PPM1B: variants seen among roughly 807,000 people sequenced by gnomAD.
PPM1B encodes protein phosphatase 1B.
PPM1B carries 22 observed loss-of-function variants against 43.0 expected under a neutral mutation model. The ratio of observed to expected loss-of-function variants is 0.51; its 90% CI spans 0.37 to 0.73. The LOEUF is 0.73. Ranked by LOEUF, PPM1B falls within the 30% of genes least tolerant of loss-of-function variation. The pLI is 0.00. For missense variants in PPM1B, 632 were observed against 584.2 expected, an observed-to-expected ratio of 1.08 and a Z score of -0.84; for synonymous variants, 217 against 197.9, an observed-to-expected ratio of 1.10 and a Z score of -0.81.
chr2:44,177,369 A>G (rs1572681925), intron 1 of PPM1B, among the ~76,000 whole-genome samples: 1 of 148,688 alleles, frequency 6.7e-6, no homozygotes, highest in Non-Finnish European at 1.5e-5. Context: ...GTTTGTTTCT[A>G]TTCATCTGTT....
chr2:44,205,833 T>C (rs1669165699), intron 2 of PPM1B, among the ~76,000 whole-genome samples: 1 of 152,120 alleles, frequency 6.6e-6, no homozygotes, highest in Admixed American at 6.5e-5. Context: ...TTGAGGGAAA[T>C]TATCATTTTC....
chr2:44,231,624 A>G (rs1354025041), downstream of PPM1B, among the ~76,000 whole-genome samples: 1 of 152,174 alleles, frequency 6.6e-6, no homozygotes, highest in South Asian at 2.1e-4. Context: ...AAAGTTTAAT[A>G]TTAAAATATA....
intron 2 of PPM1B, among the ~76,000 whole-genome samples, chr2:44,205,575 C>G (rs1431070247): frequency 1.3e-5 from 2 of 152,006 alleles, no homozygotes; most frequent in African/African-American, 4.8e-5. Context: ...AAATGGTTCT[C>G]TGTGATTATT....
At chr2:44,219,709 C>T (rs1219666755) in intron 5 of PPM1B, among the ~76,000 whole-genome samples, 2 of 151,856 alleles carry the variant, frequency 1.3e-5, no homozygotes, top group Non-Finnish European at 2.9e-5. Context: ...TTTGGGAGGC[C>T]GAGGCGGGCG....
At chr2:44,236,637 T>C (rs1349708354), downstream of PPM1B, among the ~76,000 whole-genome samples, 1 of 152,168 alleles carries the variant, frequency 6.6e-6, no homozygotes, top group Non-Finnish European at 1.5e-5. Context: ...TGATATATTT[T>C]CTGAAACCTT....
At chr2:44,204,856 C>G (rs191132590) in intron 2 of PPM1B, among the ~76,000 whole-genome samples, 1,729 of 80,394 alleles carry the variant, frequency 0.022, 47 homozygotes, top group African/African-American at 0.088. Flanking sequence ...GAGACTCCGT[C>G]TCAAAAAAAA....
chr2:44,213,607 C>T (rs1558419186), intron 3 of PPM1B: 2 of 152,124 alleles, frequency 1.3e-5, no homozygotes, highest in African/African-American at 2.4e-5. Flanking sequence ...TCTGTCTCTA[C>T]AACTATCTAG....
intron 5 of PPM1B, chr2:44,218,961 G>C (rs1401677556): frequency 7.0e-6 from 3 of 430,588 alleles, no homozygotes; most frequent in Non-Finnish European, 1.4e-5. Context: ...CAGTACCCCT[G>C]TATGCCCACT....
Position 44,243,110 on chromosome 2 carries a change from C to T in PPM1B, n.1547-1118C>T, listed in dbSNP as rs75857858. On this transcript the variant is annotated intron_variant and non_coding_transcript_variant, in intron 5 of 5. Transcript: ENST00000378540. The stretch of plus-strand genomic sequence containing the variant: ...TTCTGAGCTTTTTCTTACACAATAA[C>T]TTTTTGTTTCGATGCCAGCTTTTCC... 3.8e-3 allele frequency among the ~76,000 whole-genome samples: 577 copies of T among 152,230 alleles called. 3 individuals carry two copies. The highest frequency in any genetic ancestry group is 0.013 in the African/African-American group (552 of 41,550).
At chr2:44,234,856 CTT>C (rs1194599031), downstream of PPM1B, among the ~76,000 whole-genome samples, 1 of 152,068 alleles carries the variant, frequency 6.6e-6, no homozygotes, top group Non-Finnish European at 1.5e-5. Context: ...AAATAATTGT[CTT>C]ATAAGTTAGG....
intron 2 of PPM1B, among the ~76,000 whole-genome samples, chr2:44,206,817 C>G (rs1399280529): frequency 6.6e-6 from 1 of 152,156 alleles, no homozygotes; most frequent in Non-Finnish European, 1.5e-5. Context: ...CTGCCTCAGC[C>G]TCCCAAACTG....
chr2:44,170,277 C>T (rs1436626122), intron 1 of PPM1B, among the ~76,000 whole-genome samples: 3 of 152,126 alleles, frequency 2.0e-5, no homozygotes, highest in East Asian at 3.8e-4. Context: ...ACGTTAATAA[C>T]TGGGAAGTTG....
intron 1 of PPM1B, among the ~76,000 whole-genome samples, chr2:44,180,754 G>T (rs774044637): frequency 6.6e-6 from 1 of 151,892 alleles, no homozygotes; most frequent in Non-Finnish European, 1.5e-5. Context: ...AGGACTACAG[G>T]CGTGGGGCAC....
At chr2:44,204,510 G>A (rs904023452) in intron 2 of PPM1B, among the ~76,000 whole-genome samples, 2 of 151,928 alleles carry the variant, frequency 1.3e-5, no homozygotes, top group African/African-American at 4.8e-5. Context: ...TTAAATCTTG[G>A]GAGGTTATCA....
In PPM1B at chr2:44,230,651, G is replaced by A. The variant is rs1357544844; in HGVS notation, c.1373G>A (p.Ser458Asn). ...TMQESHTESESGLAELDSSNE... is the reference protein window; with the variant it reads ...TMQESHTESENGLAELDSSNE... ...CAGGAAAGCCATACTGAATCAGAAAGTGGTCTTGCTGAATTAGACAGCTCT... is the reference window on the plus strand; with the variant it reads ...CAGGAAAGCCATACTGAATCAGAAAATGGTCTTGCTGAATTAGACAGCTCT... The change falls in exon 6 of 6, where the codon AGT becomes AAT. Residue 458 changes from serine to asparagine, a missense_variant. Ser to Asn is a conservative substitution (Grantham distance 46, BLOSUM62 1). Around this residue, in one of 3 missense-constraint regions of PPM1B, gnomAD observed 392 missense variants for 302.7 expected, o/e 1.29. Coordinates refer to ENST00000282412, the MANE Select transcript of PPM1B (RefSeq NM_002706.6). The A allele has an allele frequency of 1.7e-5, 27 of 1,614,066 alleles. No homozygotes were observed. Among genetic ancestry groups the A allele is most frequent in the Middle Eastern group, 1.6e-4 (1 of 6,084 alleles).
At chr2:44,220,053 A>G (rs945183045) in intron 5 of PPM1B, among the ~76,000 whole-genome samples, 1 of 152,134 alleles carries the variant, frequency 6.6e-6, no homozygotes, top group Admixed American at 6.5e-5. Flanking sequence ...ATGTTGACAT[A>G]TGACTAAAAG....
chr2:44,234,388 G>A (rs1670553076), downstream of PPM1B: 1 of 493,660 alleles, frequency 2.0e-6, no homozygotes, highest in Non-Finnish European at 2.6e-6. Context: ...GCATGGTGGT[G>A]CTTGCCTGTA....
chr2:44,244,593 A>G (rs1452447107), downstream of PPM1B, among the ~76,000 whole-genome samples: 3 of 151,926 alleles, frequency 2.0e-5, no homozygotes, highest in African/African-American at 7.3e-5. Flanking sequence ...TAAAAGCACC[A>G]TTTAAATCGG....
intron 1 of PPM1B, among the ~76,000 whole-genome samples, chr2:44,176,954 A>G (rs954454772): frequency 2.6e-5 from 4 of 151,828 alleles, no homozygotes; most frequent in African/African-American, 9.7e-5. Flanking sequence ...CTAATTTTGT[A>G]TTTTTCGTAG....
Sources: gnomAD v4.1 joint callset for allele counts (sites outside exome capture counted in the v4.1 genomes callset) on GRCh38, gnomAD v4.1.1 for gene constraint, gnomAD v4.1.1 regional missense constraint, MANE v1.5 for transcripts, NCBI Gene and HGNC (gene_info 2026-07-23, HGNC 2026-07-21) for gene names.